The following VPS37A variants were observed in gnomAD, a reference collection of about 807,000 sequenced individuals.
VPS37A encodes vacuolar protein sorting-associated protein 37A.
In VPS37A, 30 loss-of-function variants were observed where a neutral mutation model predicts 49.8. The observed-to-expected ratio is 0.60, with a 90% CI of 0.45 to 0.82. The LOEUF is 0.82. VPS37A is among the 40% of genes least tolerant of loss of function. The pLI, the probability that VPS37A is intolerant of heterozygous loss-of-function variation, is 0.00. For synonymous variants in VPS37A, 195 were observed against 160.6 expected (o/e 1.21, Z -1.62); for missense variants, 593 against 464.4 (o/e 1.28, Z -2.55).
At chr8:17,313,828 A>G in the VPS37A span, among the ~76,000 whole-genome samples, 1 of 152,200 alleles carries the variant, frequency 6.6e-6, no homozygotes, top group African/African-American at 2.4e-5. Context: ...CTGTCACCCA[A>G]CCACTTCAGA....
intron 1 of VPS37A, among the ~76,000 whole-genome samples, chr8:17,260,963 G>T (rs1338841854): frequency 6.6e-6 from 1 of 152,110 alleles, no homozygotes; most frequent in Non-Finnish European, 1.5e-5. Flanking sequence ...ATTTGTGTCA[G>T]ATTTGTTCAG....
chr8:17,313,169 A>G, the VPS37A span: 2 of 613,584 alleles, frequency 3.3e-6, no homozygotes, highest in Admixed American at 2.8e-5. Flanking sequence ...AGCTCTACAA[A>G]GCTGGCTATC....
downstream of VPS37A, among the ~76,000 whole-genome samples, chr8:17,302,621 T>G (rs1817189957): frequency 2.0e-5 from 3 of 148,566 alleles, no homozygotes; most frequent in South Asian, 6.4e-4. Context: ...TTAGAATCTT[T>G]CAGCTACAAA....
the VPS37A span, among the ~76,000 whole-genome samples, chr8:17,322,434 G>A: frequency 2.2e-4 from 33 of 152,200 alleles, 1 homozygote; most frequent in Admixed American, 2.2e-3. Flanking sequence ...CAAATTCACA[G>A]TGTATCATGG....
chr8:17,306,158 A>AG (rs1290739305), downstream of VPS37A, among the ~76,000 whole-genome samples: 4 of 152,200 alleles, frequency 2.6e-5, no homozygotes, highest in Non-Finnish European at 4.4e-5. Context: ...TCTGGATAGA[A>AG]GGGATGCGTT....
chr8:17,286,356 T>A lies in VPS37A; in HGVS notation c.1123T>A (p.Cys375Ser), dbSNP rs778606823. The A allele has an allele frequency of 6.2e-7, 1 of 1,613,686 alleles. No homozygotes were observed. The highest frequency in any genetic ancestry group is 1.7e-5 in the Admixed American group (1 of 59,974). ...AAAATTTATTTTCTAGATTTGCCAC[T>A]GTAGAAGAGCCAAGGAAGAGAAACT... ...SFMEKRTICH[C>S]RRAKEEKLQQ... Residue 375 changes from cysteine to serine, a missense_variant, in exon 11 of 12, where the codon TGT (cysteine) becomes AGT (serine). By Grantham distance (112) the Cys-to-Ser change is moderately radical (BLOSUM62 -1). Coordinates refer to ENST00000324849, the MANE Select transcript of VPS37A (RefSeq NM_152415.3).
chr8:17,301,641 G>T (rs1271183771), downstream of VPS37A: 1 of 153,766 alleles, frequency 6.5e-6, no homozygotes, highest in African/African-American at 2.4e-5. Context: ...TAGTACCATT[G>T]GAAACAAAGT....
rs1283239996 is a variant in VPS37A, at chr8:17,296,713, CTACTT to C, written c.*1729_*1733del. 6 of 152,136 alleles carry C rather than the reference CTACTT, an allele frequency of 3.9e-5. No individual in the cohort carries two copies. The highest frequency in any genetic ancestry group is 7.4e-5 in the Non-Finnish European group (5 of 68,010). The allele number at this position is 152,136 out of a possible 1,614,324, so 9.4% of individuals were successfully genotyped here. ...AGATAAACATTGTTTAGATGCTTATCTACTTTCCTTTTCACCAGAAAAACAGAAAA... is the reference window on the plus strand; with the variant it reads ...AGATAAACATTGTTTAGATGCTTATCTCCTTTTCACCAGAAAAACAGAAAA... On this transcript the variant is annotated 3_prime_UTR_variant, in exon 12 of 12. Coordinates refer to ENST00000324849, the MANE Select transcript of VPS37A (RefSeq NM_152415.3).
the VPS37A span, among the ~76,000 whole-genome samples, chr8:17,332,152 C>T: frequency 6.6e-6 from 1 of 152,190 alleles, no homozygotes; most frequent in Non-Finnish European, 1.5e-5. Context: ...GCTGACCATT[C>T]TCCTCCTCCA....
intron 1 of VPS37A, among the ~76,000 whole-genome samples, chr8:17,249,055 T>C (rs1448564931): frequency 6.6e-6 from 1 of 152,244 alleles, no homozygotes; most frequent in Non-Finnish European, 1.5e-5. Flanking sequence ...GCAGAAACAC[T>C]TTTTTAGAAC....
intron 1 of VPS37A, among the ~76,000 whole-genome samples, chr8:17,253,134 A>G (rs1057213953): frequency 4.2e-4 from 64 of 152,296 alleles, no homozygotes; most frequent in African/African-American, 1.5e-3. Flanking sequence ...AAAAGTTATG[A>G]TAAGGCAGTC....
chr8:17,265,715 A>G (rs1813386298), intron 1 of VPS37A, 192 bp from the exon 2 acceptor site: 1 of 1,448,276 alleles, frequency 6.9e-7, no homozygotes, highest in South Asian at 1.2e-5. Context: ...TTAGAATGTT[A>G]CTGTGTGCTT....
At chr8:17,329,804 G>T in the VPS37A span, among the ~76,000 whole-genome samples, 1 of 152,154 alleles carries the variant, frequency 6.6e-6, no homozygotes, top group Non-Finnish European at 1.5e-5. Flanking sequence ...TCCAAAAGTT[G>T]AAGCTGCTCA....
intron 1 of VPS37A, among the ~76,000 whole-genome samples, chr8:17,265,377 C>T (rs1813348714): frequency 6.6e-6 from 1 of 152,184 alleles, no homozygotes; most frequent in East Asian, 1.9e-4. Context: ...TAGAACATTG[C>T]TACCCAGAAT....
At chr8:17,332,703 G>T in the VPS37A span, among the ~76,000 whole-genome samples, 17,526 of 152,200 alleles carry the variant, frequency 0.12, 1,330 homozygotes, top group East Asian at 0.32. Flanking sequence ...CATATAGGTC[G>T]AACCATTAAG....
intron 11 of VPS37A, among the ~76,000 whole-genome samples, chr8:17,292,332 C>G (rs1816231445): frequency 1.3e-5 from 2 of 152,156 alleles, no homozygotes; most frequent in Non-Finnish European, 2.9e-5. Flanking sequence ...AAATCTTCCT[C>G]CATCCCTTTA....
At chr8:17,285,292 A>G (rs1276277774) in intron 10 of VPS37A, among the ~76,000 whole-genome samples, 3 of 152,192 alleles carry the variant, frequency 2.0e-5, no homozygotes, top group African/African-American at 7.2e-5. Context: ...AATACAGCTG[A>G]TAAATCTAGT....
At chr8:17,300,991 G>A (rs1254684769), downstream of VPS37A, among the ~76,000 whole-genome samples, 1 of 152,178 alleles carries the variant, frequency 6.6e-6, no homozygotes, top group African/African-American at 2.4e-5. Flanking sequence ...CCATTACATG[G>A]ATATACCAGA....
intron 1 of VPS37A, among the ~76,000 whole-genome samples, chr8:17,253,016 G>T (rs1242916050): frequency 2.0e-5 from 3 of 152,102 alleles, no homozygotes; most frequent in African/African-American, 4.8e-5. Flanking sequence ...ACGTATAATT[G>T]CAGAGCGTAT....
Sources: gnomAD v4.1 joint callset for allele counts (sites outside exome capture counted in the v4.1 genomes callset) on GRCh38, gnomAD v4.1.1 for gene constraint, MANE v1.5 for transcripts, NCBI Gene and HGNC (gene_info 2026-07-23, HGNC 2026-07-21) for gene names.